Variants in JARID2 observed in about 807,000 individuals in gnomAD.
JARID2 encodes the protein jumonji and AT-rich interaction domain containing 2, also known as protein Jumonji.
JARID2 carries 21 observed loss-of-function variants against 125.6 expected under a neutral mutation model. That is an observed-to-expected ratio of 0.17 (90% confidence interval 0.12 to 0.24). The LOEUF (loss-of-function observed/expected upper bound fraction) is 0.24. Among genes scored for constraint, JARID2 ranks in the 10% least tolerant of loss-of-function variants. The pLI is 1.00. For synonymous variants in JARID2, 736 were observed against 661.6 expected (o/e 1.11, Z -1.73); for missense variants, 1,303 against 1,639.6 (o/e 0.79, Z 3.55).
At chr6:15,464,564 G>T (rs1561880604) in intron 4 of JARID2, among the ~76,000 whole-genome samples, 1 of 152,176 alleles carries the variant, frequency 6.6e-6, no homozygotes, top group Non-Finnish European at 1.5e-5. Flanking sequence ...AGACAGTGTT[G>T]TCCTTGTGGG....
chr6:15,302,182 G>A (rs1393646848), intron 1 of JARID2, among the ~76,000 whole-genome samples: 1 of 152,132 alleles, frequency 6.6e-6, no homozygotes, highest in South Asian at 2.1e-4. Context: ...TTGGGAGGCC[G>A]AGGTGGGCAG....
At chr6:15,299,243 A>C (rs1024513125) in intron 1 of JARID2, among the ~76,000 whole-genome samples, 1 of 152,174 alleles carries the variant, frequency 6.6e-6, no homozygotes, top group Non-Finnish European at 1.5e-5. Context: ...CGTTGAGTGT[A>C]GTTTTTGTCC....
chr6:15,376,062 G>GGCA (rs1207621579), intron 2 of JARID2, among the ~76,000 whole-genome samples: 2 of 152,184 alleles, frequency 1.3e-5, no homozygotes, highest in Non-Finnish European at 2.9e-5. Flanking sequence ...GTTTAGCTCT[G>GGCA]GCAGAGTCAA....
chr6:15,424,773 C>T (rs1283198880), intron 3 of JARID2, among the ~76,000 whole-genome samples: 3 of 152,144 alleles, frequency 2.0e-5, no homozygotes, highest in South Asian at 2.1e-4. Flanking sequence ...GCAGGAGAAT[C>T]GCTTGAACCA....
At chr6:15,408,644 T>G (rs971703387) in intron 2 of JARID2, among the ~76,000 whole-genome samples, 1 of 152,246 alleles carries the variant, frequency 6.6e-6, no homozygotes, top group Admixed American at 6.5e-5. Flanking sequence ...TCCAAAACAT[T>G]TCCACAATTA....
chr6:15,332,440 G>A (rs959076081), intron 1 of JARID2, among the ~76,000 whole-genome samples: 6 of 152,204 alleles, frequency 3.9e-5, no homozygotes, highest in Non-Finnish European at 7.3e-5. Context: ...GTATTTGAAA[G>A]CAGCATTGTA....
At chr6:15,408,881 G>A (rs372351881) in intron 2 of JARID2, among the ~76,000 whole-genome samples, 8 of 152,118 alleles carry the variant, frequency 5.3e-5, no homozygotes, top group African/African-American at 1.9e-4. Flanking sequence ...CCCTCACAGT[G>A]CAGACTCCCA....
chr6:15,355,059 A>G (rs1763552795), intron 1 of JARID2, among the ~76,000 whole-genome samples: 1 of 152,166 alleles, frequency 6.6e-6, no homozygotes, highest in Admixed American at 6.5e-5. Flanking sequence ...CCTCCCTCCC[A>G]TTGTGTGGAT....
At chr6:15,487,128 AC>A (rs1315467852) in intron 5 of JARID2, among the ~76,000 whole-genome samples, 178 bp from the exon 6 acceptor site, 5 of 152,166 alleles carry the variant, frequency 3.3e-5, no homozygotes, top group Non-Finnish European at 5.9e-5. Context: ...TATCACGAGA[AC>A]AGCATAGGGG....
intron 3 of JARID2, among the ~76,000 whole-genome samples, chr6:15,414,956 C>T (rs61102454): frequency 0.013 from 1,963 of 152,304 alleles, 48 homozygotes; most frequent in African/African-American, 0.044. Context: ...GCAGAGGACC[C>T]TGCGGCTTTC....
chr6:15,307,442 C>CA (rs1301463445), intron 1 of JARID2, among the ~76,000 whole-genome samples: 1 of 152,062 alleles, frequency 6.6e-6, no homozygotes, highest in African/African-American at 2.4e-5. Flanking sequence ...AGGCTGGTCT[C>CA]AGACGACATC....
chr6:15,394,422 A>T (rs146811482), intron 2 of JARID2, among the ~76,000 whole-genome samples: 1 of 152,240 alleles, frequency 6.6e-6, no homozygotes, highest in Non-Finnish European at 1.5e-5. Flanking sequence ...AGCTTGGCGA[A>T]ACACCATCTT....
intron 1 of JARID2, among the ~76,000 whole-genome samples, chr6:15,335,292 G>T (rs979936312): frequency 1.3e-5 from 2 of 152,044 alleles, no homozygotes; most frequent in Admixed American, 6.6e-5. Flanking sequence ...TAGAGACAGG[G>T]TTTCACCGTG....
At chr6:15,263,400 C>T (rs1006859761) in intron 1 of JARID2, among the ~76,000 whole-genome samples, 1 of 152,002 alleles carries the variant, frequency 6.6e-6, no homozygotes, top group Non-Finnish European at 1.5e-5. Flanking sequence ...CCTTCCAAGC[C>T]TGCTGAACCA....
chr6:15,248,828 G>A (rs958035992), intron 1 of JARID2: 1 of 834,082 alleles, frequency 1.2e-6, no homozygotes, highest in Non-Finnish European at 1.4e-6. Context: ...TCCAGGCGCG[G>A]CGGGGCGGCG....
chr6:15,377,643 C>A (rs1277956748), intron 2 of JARID2, among the ~76,000 whole-genome samples: 1 of 152,016 alleles, frequency 6.6e-6, no homozygotes, highest in Non-Finnish European at 1.5e-5. Flanking sequence ...CAAATTGAGA[C>A]CCTGTCTTTA....
At chr6:15,303,119 T>C (rs1761693975) in intron 1 of JARID2, among the ~76,000 whole-genome samples, 1 of 152,336 alleles carries the variant, frequency 6.6e-6, no homozygotes, top group South Asian at 2.1e-4. Context: ...ATAATCCTAA[T>C]TGATAATTTA....
intron 1 of JARID2, among the ~76,000 whole-genome samples, chr6:15,254,268 TG>T (rs1317332992): frequency 1.3e-5 from 2 of 152,172 alleles, no homozygotes; most frequent in Non-Finnish European, 2.9e-5. Flanking sequence ...CATTCTTGGG[TG>T]TATCTGAGGC....
chr6:15,305,386 T>C (rs1045983358), intron 1 of JARID2, among the ~76,000 whole-genome samples: 7 of 152,156 alleles, frequency 4.6e-5, no homozygotes, highest in Admixed American at 2.0e-4. Context: ...TCACTCCACT[T>C]TGGAGAGGGG....
Sources: gnomAD v4.1 joint callset for allele counts (sites outside exome capture counted in the v4.1 genomes callset) on GRCh38, gnomAD v4.1.1 for gene constraint, MANE v1.5 for transcripts, NCBI Gene and HGNC (gene_info 2026-07-23, HGNC 2026-07-21) for gene names.